The following OOSP4B variants were observed in gnomAD, a reference collection of about 807,000 sequenced individuals.
The protein encoded by OOSP4B is oocyte secreted protein family member 4B, also known as oocyte-secreted protein 4B.
At chr11:60,024,575 A>G (rs566968163) in intron 2 of OOSP4B, among the ~76,000 whole-genome samples, 1 of 152,296 alleles carries the variant, frequency 6.6e-6, no homozygotes, top group South Asian at 2.1e-4. Context: ...TCTCAGTTTT[A>G]CTACCTCCAT....
intron 3 of OOSP4B, among the ~76,000 whole-genome samples, chr11:60,026,781 T>C (rs576155073): frequency 1.1e-4 from 17 of 152,294 alleles, no homozygotes; most frequent in Admixed American, 7.8e-4. Context: ...AAAAATTGAG[T>C]TGCACGAGCT....
chr11:60,020,720 C>T (rs550188253), intron 1 of OOSP4B, among the ~76,000 whole-genome samples: 20 of 152,346 alleles, frequency 1.3e-4, no homozygotes, highest in African/African-American at 3.6e-4. Flanking sequence ...GCGCCAAGGC[C>T]GAGGAGGCGT....
rs141896653 is a variant in OOSP4B at position 60,029,648 on chromosome 11, T to G, written c.303-134T>G. 2.6e-3 allele frequency: 1,043 copies of G among 395,238 alleles called. 13 individuals are homozygous for G. The highest frequency in any genetic ancestry group is 0.018 in the South Asian group (124 of 7,010). 24.5% of individuals were successfully genotyped at this position (395,238 alleles called of 1,614,324 possible). A position where few individuals can be genotyped will look rare whatever the true frequency, so the allele number is the denominator to read the frequency against. ...AACTCTTTATTTAGATTTACTGAGC[T>G]ACTTTGCCTTTCCTCCACAAGTCAG... On this transcript the variant is annotated intron_variant, in intron 3 of 4. Transcript: ENST00000642343.
chr11:60,029,980 A>G (rs1440088681), intron 4 of OOSP4B, 51 bp downstream of exon 4: 1 of 397,460 alleles, frequency 2.5e-6, no homozygotes, highest in East Asian at 3.6e-5. Flanking sequence ...TTTGTTAAAT[A>G]TAACTTCAAG....
At chr11:60,027,689 C>T (rs147950839) in intron 3 of OOSP4B, among the ~76,000 whole-genome samples, 1,717 of 91,888 alleles carry the variant, frequency 0.019, 44 homozygotes, top group African/African-American at 0.054. Context: ...AAGATGATCC[C>T]AGCACTTTGG....
intron 4 of OOSP4B, 102 bp from the exon 5 acceptor site, chr11:60,030,700 A>G (rs1480058053): frequency 1.0e-5 from 4 of 396,758 alleles, no homozygotes; most frequent in Non-Finnish European, 1.8e-5. Context: ...TTTTTTCCAC[A>G]TTACTTCTAA....
At chr11:60,019,781 A>T (rs1854668178) in intron 1 of OOSP4B, among the ~76,000 whole-genome samples, 1 of 151,886 alleles carries the variant, frequency 6.6e-6, no homozygotes, top group African/African-American at 2.4e-5. Context: ...TTGGAAGGAG[A>T]CCCCCAACGG....
chr11:60,022,390 C>G (rs1166688027), intron 1 of OOSP4B: 1 of 152,166 alleles, frequency 6.6e-6, no homozygotes, highest in African/African-American at 2.4e-5. Context: ...TATTTACTAT[C>G]AGTATCTATC....
At chr11:60,028,660 A>G (rs1186675188) in intron 3 of OOSP4B, among the ~76,000 whole-genome samples, 1 of 152,108 alleles carries the variant, frequency 6.6e-6, no homozygotes, top group East Asian at 1.9e-4. Flanking sequence ...ATATTCTTAA[A>G]TGTGATCTTT....
intron 4 of OOSP4B, among the ~76,000 whole-genome samples, chr11:60,030,457 G>A (rs1315805191): frequency 6.6e-6 from 1 of 152,092 alleles, no homozygotes; most frequent in Non-Finnish European, 1.5e-5. Context: ...TGTGCATATT[G>A]ACAATAGCCT....
At chr11:60,019,080 G>A (rs1218076823) in intron 1 of OOSP4B, among the ~76,000 whole-genome samples, 5 of 152,136 alleles carry the variant, frequency 3.3e-5, no homozygotes, top group South Asian at 2.1e-4. Context: ...AAAATTAGTC[G>A]GGCATGGTGG....
At chr11:60,021,731 C>T (rs1854691974) in intron 1 of OOSP4B, 1 of 152,252 alleles carries the variant, frequency 6.6e-6, no homozygotes, top group South Asian at 2.1e-4. Flanking sequence ...CCTGTAATCC[C>T]AGCACTTTGG....
chr11:60,029,445 GGAT>G (rs1253684188), intron 3 of OOSP4B, among the ~76,000 whole-genome samples: 5 of 152,150 alleles, frequency 3.3e-5, no homozygotes, highest in Non-Finnish European at 5.9e-5. Flanking sequence ...TCTAATCTTG[GGAT>G]GTGTGTGTGT....
chr11:60,017,601 T>TA (rs915887187), intron 1 of OOSP4B, among the ~76,000 whole-genome samples, 188 bp downstream of exon 1: 38 of 152,200 alleles, frequency 2.5e-4, no homozygotes, highest in African/African-American at 7.2e-5. Context: ...TGCCTGTTTC[T>TA]ATTACTCAGT....
intron 1 of OOSP4B, among the ~76,000 whole-genome samples, chr11:60,018,299 GC>G: frequency 6.6e-6 from 1 of 152,060 alleles, no homozygotes; most frequent in Non-Finnish European, 1.5e-5. Context: ...GGGTGGTTTT[GC>G]CCTCCAGGGG....
rs1006105603 is a variant in OOSP4B at position 60,030,630 on chromosome 11, G to C, written c.451-172G>C. On this transcript the variant is annotated intron_variant, in intron 4 of 4. Coordinates refer to ENST00000642343, the Ensembl canonical transcript of OOSP4B. The stretch of plus-strand genomic sequence containing the variant: ...ACTTCTAATAGCATAATATCTAATG[G>C]TTATATTTGATATAGCTGGTTAGTT... Among the ~76,000 whole-genome samples, 3 of 152,094 alleles carry C rather than the reference G, an allele frequency of 2.0e-5. No homozygotes were observed. The South Asian group carries it at 6.2e-4, about 32-fold the overall frequency.
At position 60,017,307 on chromosome 11, in the gene OOSP4B, G is replaced by A. The variant is rs1466211245; in HGVS notation, c.-85G>A. On this transcript the variant is annotated 5_prime_UTR_variant, in exon 1 of 5. The change creates a new upstream start codon in the 5' untranslated region. Transcript: ENST00000642343. Reference sequence around the variant, plus strand: ...AGAGGGTAATTGCAGACAGCTGAATGTGGCCAAAGGTTTATAAGCACTCAA... The same window carrying A: ...AGAGGGTAATTGCAGACAGCTGAATATGGCCAAAGGTTTATAAGCACTCAA... The A allele has an allele frequency of 7.5e-6, 3 of 398,462 alleles. No homozygotes were observed. Among genetic ancestry groups the A allele is most frequent in the Non-Finnish European group, 1.3e-5 (3 of 226,058 alleles). 24.7% of individuals were successfully genotyped at this position (398,462 alleles called of 1,614,324 possible). A position where few individuals can be genotyped will look rare whatever the true frequency, so the allele number is the denominator to read the frequency against.
At position 60,019,885 on chromosome 11, in the gene OOSP4B, G is replaced by A. The variant is rs192170112; in HGVS notation, c.22+2472G>A. On this transcript the variant is annotated intron_variant, in intron 1 of 4. Coordinates refer to ENST00000642343, the Ensembl canonical transcript of OOSP4B. ...GGTCCATTTTACAGAGAGCTGACTG[G>A]TCCGTTTTGACAGGGTGCTGATTGG... Among the ~76,000 whole-genome samples the A allele has an allele frequency of 3.3e-5, 5 of 152,138 alleles. No individual in the cohort carries two copies. The South Asian group carries it at 1.0e-3, about 31-fold the overall frequency.
chr11:60,020,589 G>A (rs962326423), intron 1 of OOSP4B, among the ~76,000 whole-genome samples: 3 of 152,140 alleles, frequency 2.0e-5, no homozygotes, highest in Non-Finnish European at 2.9e-5. Context: ...GGTTCCCGCC[G>A]GCGCCTCTCC....
Sources: allele counts gnomAD v4.1 joint callset (sites outside exome capture counted in the v4.1 genomes callset), GRCh38; gene constraint gnomAD v4.1.1; transcripts MANE v1.5; gene names NCBI Gene and HGNC (gene_info 2026-07-23, HGNC 2026-07-21).